Variants in PRKG2 observed in about 807,000 individuals in gnomAD.
PRKG2 encodes cGMP-dependent protein kinase 2.
In PRKG2, 33 loss-of-function variants were observed where a neutral mutation model predicts 97.2. That is an observed-to-expected ratio of 0.34 (90% CI 0.26 to 0.45). The LOEUF is 0.45. PRKG2 is among the 20% of genes least tolerant of loss of function. PRKG2 has a pLI of 1.00. For missense variants in PRKG2, 638 were observed against 900.0 expected, an observed-to-expected ratio of 0.71 and a Z score of 3.73; for synonymous variants, 330 against 321.8, an observed-to-expected ratio of 1.03 and a Z score of -0.27.
intron 8 of PRKG2, among the ~76,000 whole-genome samples, chr4:81,151,738 A>G (rs1174638262): frequency 6.6e-6 from 1 of 152,116 alleles, no homozygotes; most frequent in African/African-American, 2.4e-5. Flanking sequence ...TAGAACACCA[A>G]TTTCATTTTC....
intron 2 of PRKG2, among the ~76,000 whole-genome samples, chr4:81,182,402 T>C (rs1031132692): frequency 1.3e-5 from 2 of 152,042 alleles, no homozygotes; most frequent in African/African-American, 4.8e-5. Context: ...AAAATCTCCT[T>C]AATCTGATAA....
At chr4:81,129,894 T>G (rs1467152853) in intron 14 of PRKG2, among the ~76,000 whole-genome samples, 1 of 152,220 alleles carries the variant, frequency 6.6e-6, no homozygotes, top group Non-Finnish European at 1.5e-5. Context: ...CTGCTTATTT[T>G]GCCCATTAGT....
At chr4:81,180,930 C>A (rs929374798) in intron 2 of PRKG2, among the ~76,000 whole-genome samples, 3 of 151,718 alleles carry the variant, frequency 2.0e-5, no homozygotes, top group African/African-American at 7.3e-5. Flanking sequence ...GTGTGCTGCA[C>A]CCTAATTAAC....
chr4:81,169,551 G>GA (rs1172055808), intron 5 of PRKG2, 112 bp downstream of exon 5: 8 of 786,228 alleles, frequency 1.0e-5, no homozygotes, highest in Non-Finnish European at 1.6e-5. Flanking sequence ...TAGTCATGTG[G>GA]AAAATGCTTA....
At chr4:81,138,356 A>G (rs971514672) in intron 12 of PRKG2, among the ~76,000 whole-genome samples, 1 of 152,150 alleles carries the variant, frequency 6.6e-6, no homozygotes, top group African/African-American at 2.4e-5. Context: ...CAAAGCAGAC[A>G]GTAGAACAGC....
Position 81,148,888 on chromosome 4 carries a change from G to C in PRKG2, c.1150C>G (p.Arg384Gly), listed in dbSNP as rs769858245. 1 of 1,613,366 alleles carries C rather than the reference G, an allele frequency of 6.2e-7. No homozygotes were observed. The highest frequency in any genetic ancestry group is 8.5e-7 in the Non-Finnish European group (1 of 1,179,572). The change falls in exon 9 of 19, where the codon CGA becomes GGA. Residue 384 changes from arginine (R) to glycine (G), a missense_variant. By Grantham distance (125) the Arg-to-Gly change is moderately radical (BLOSUM62 -2). Around this residue, in one of 3 missense-constraint regions of PRKG2, gnomAD observed 304 missense variants for 460.5 expected, o/e 0.66. Transcript: ENST00000264399. ...CTCCAACATCAGTATACTCACTCTC[G>C]ATCTATAACCAGGCATGCAACATCA... ...ENDVACLVID[R>G]ETFNQTVGTF... is the part of the protein sequence containing the mutation.
At chr4:81,169,565 G>A in intron 5 of PRKG2, 98 bp downstream of exon 5, 1 of 877,950 alleles carries the variant, frequency 1.1e-6, no homozygotes, top group South Asian at 1.6e-5. Flanking sequence ...ATGCTTAAAT[G>A]GAAGTAGCTA....
rs1234522253 is a variant in PRKG2 at position 81,204,889 on chromosome 4, C to A, written c.159G>T (p.Glu53Asp). The stretch of plus-strand genomic sequence containing the variant: ...TCTGCTTCGACAGCTGCTCCCGCAG[C>A]TCCTTCAAATGGTACTCCCGCTCCT... ...EIQEREYHLKELREQLSKQTV... is the reference protein window; with the variant it reads ...EIQEREYHLKDLREQLSKQTV... The change falls in exon 2 of 19, where the codon GAG (glutamate) becomes GAT (aspartate). Residue 53 changes from glutamate (E) to aspartate (D), a missense_variant. Physicochemically the swap from Glu to Asp is conservative, Grantham distance 45. Transcript: ENST00000264399. 1.2e-6 allele frequency: 2 copies of A among 1,614,236 alleles called. No homozygotes were observed. Among genetic ancestry groups the A allele is most frequent in the Non-Finnish European group, 1.7e-6 (2 of 1,180,052 alleles).
chr4:81,185,289 C>CGTTT (rs1751773988), intron 2 of PRKG2, among the ~76,000 whole-genome samples: 1 of 152,132 alleles, frequency 6.6e-6, no homozygotes, highest in African/African-American at 2.4e-5. Context: ...TGTGTAGAAA[C>CGTTT]CGTACAAGCC....
intron 6 of PRKG2, chr4:81,154,375 A>G (rs1296241906): frequency 1.3e-5 from 2 of 152,116 alleles, no homozygotes; most frequent in African/African-American, 4.8e-5. Context: ...TCCCTGTCTG[A>G]CAGCTTTGAA....
intron 2 of PRKG2, among the ~76,000 whole-genome samples, chr4:81,203,768 A>G (rs1753466793): frequency 6.6e-6 from 1 of 152,110 alleles, no homozygotes; most frequent in Non-Finnish European, 1.5e-5. Flanking sequence ...AGAGGCAAGT[A>G]TTTATATGTT....
chr4:81,092,435 T>C lies in PRKG2; in HGVS notation c.2144A>G (p.Asn715Ser). 7 of 1,568,352 alleles carry C rather than the reference T, an allele frequency of 4.5e-6. No individual in the cohort carries two copies. The South Asian group carries it at 6.7e-5, about 15-fold the overall frequency. Residue 715 changes from asparagine (N) to serine (S), a missense_variant, in exon 18 of 19, where the codon AAT (asparagine) becomes AGT (serine). Asn to Ser is a conservative substitution (Grantham distance 46). Coordinates refer to ENST00000264399, the MANE Select transcript of PRKG2 (RefSeq NM_006259.3). ...IKKHRWLNGF[N>S]WEGLKARSLP... ...GCTCCGTGCTTTCAGTCCCTCCCAA[T>C]TAAAACCATTTAACCACCTGAGAAA... is the stretch of plus-strand genomic sequence containing the variant.
chr4:81,108,477 G>GTTT lies in PRKG2; in HGVS notation c.1940+1968_1940+1970dup, dbSNP rs58784804. Among the ~76,000 whole-genome samples, 522 of 138,778 alleles carry GTTT rather than the reference G, an allele frequency of 3.8e-3. 2 individuals are homozygous for GTTT. Among genetic ancestry groups the GTTT allele is most frequent in the African/African-American group, 0.012 (473 of 37,940 alleles). The allele number at this position is 138,778 out of a possible 152,430, so 91.0% of individuals were successfully genotyped here. A position where few individuals can be genotyped will look rare whatever the true frequency, so the allele number is the denominator to read the frequency against. Reference sequence around the variant, plus strand: ...ACTTATTTATATATTAACACTATTGGTTTTTTTTTTTTTTTTAATTTTCAT... The same window carrying GTTT: ...ACTTATTTATATATTAACACTATTGGTTTTTTTTTTTTTTTTTTTAATTTTCAT... On this transcript the variant is annotated intron_variant, in intron 15 of 18. Transcript: ENST00000264399.
At chr4:81,095,872 C>T (rs1237801570) in intron 17 of PRKG2, among the ~76,000 whole-genome samples, 1 of 152,142 alleles carries the variant, frequency 6.6e-6, no homozygotes, top group Non-Finnish European at 1.5e-5. Context: ...GCAAGTCACA[C>T]AAATTTTGGA....
intron 9 of PRKG2, among the ~76,000 whole-genome samples, chr4:81,147,427 C>G (rs978824565): frequency 1.3e-5 from 2 of 152,116 alleles, no homozygotes; most frequent in African/African-American, 4.8e-5. Context: ...CAAAGATTAC[C>G]TTTATCTGAA....
At chr4:81,181,758 A>G (rs1751434598) in intron 2 of PRKG2, among the ~76,000 whole-genome samples, 1 of 151,994 alleles carries the variant, frequency 6.6e-6, no homozygotes, top group Non-Finnish European at 1.5e-5. Flanking sequence ...TAAAAATTAA[A>G]CTGCATTCTT....
chr4:81,172,052 A>C (rs187132342), intron 3 of PRKG2, among the ~76,000 whole-genome samples: 1 of 151,510 alleles, frequency 6.6e-6, no homozygotes, highest in Non-Finnish European at 1.5e-5. Flanking sequence ...GGATAATAAT[A>C]ATTATTATTA....
At chr4:81,134,104 T>C (rs951200720) in intron 14 of PRKG2, among the ~76,000 whole-genome samples, 5 of 152,200 alleles carry the variant, frequency 3.3e-5, no homozygotes, top group African/African-American at 1.2e-4. Context: ...AAAGTGTTTC[T>C]TGGAAGTTAG....
chr4:81,140,469 T>G, intron 12 of PRKG2, 64 bp downstream of exon 12: 3 of 1,348,222 alleles, frequency 2.2e-6, no homozygotes, highest in Non-Finnish European at 9.8e-7. Context: ...AAAAATAATT[T>G]AAGTAAATAC....
Sources: allele counts gnomAD v4.1 joint callset (sites outside exome capture counted in the v4.1 genomes callset), GRCh38; gene constraint gnomAD v4.1.1; regional missense constraint gnomAD v4.1.1; transcripts MANE v1.5; gene names NCBI Gene and HGNC (gene_info 2026-07-23, HGNC 2026-07-21).